The following DSCAM variants were observed in gnomAD, a reference collection of about 807,000 sequenced individuals.
DSCAM encodes the protein DS cell adhesion molecule, also known as cell adhesion molecule DSCAM.
DSCAM carries 47 observed loss-of-function variants against 217.7 expected under a neutral mutation model. The ratio of observed to expected loss-of-function variants is 0.22; its 90% CI spans 0.17 to 0.28. The LOEUF (loss-of-function observed/expected upper bound fraction) is 0.28. Ranked by LOEUF, DSCAM falls within the 10% of genes least tolerant of loss-of-function variation. DSCAM has a pLI of 1.00. For missense variants in DSCAM, 2,080 were observed against 2,618.3 expected (o/e 0.79, Z 4.49); for synonymous variants, 1,056 against 1,015.3 (o/e 1.04, Z -0.76).
At chr21:40,748,506 T>A (rs879810536) in intron 1 of DSCAM, among the ~76,000 whole-genome samples, 1 of 151,872 alleles carries the variant, frequency 6.6e-6, no homozygotes, top group Non-Finnish European at 1.5e-5. Flanking sequence ...ATAAATAAAA[T>A]GCCTATAAAT....
chr21:40,697,551 T>C (rs774619410), intron 2 of DSCAM, among the ~76,000 whole-genome samples: 24 of 152,304 alleles, frequency 1.6e-4, no homozygotes, highest in Admixed American at 4.6e-4. Context: ...CTTTTGCATA[T>C]AGATACCCAG....
At chr21:40,407,636 C>A (rs1247001085) in intron 3 of DSCAM, among the ~76,000 whole-genome samples, 1 of 152,160 alleles carries the variant, frequency 6.6e-6, no homozygotes, top group Non-Finnish European at 1.5e-5. Flanking sequence ...CATATAAAGA[C>A]AAGGGTCATG....
chr21:40,070,070 T>C (rs536787312), intron 27 of DSCAM, among the ~76,000 whole-genome samples: 1 of 152,206 alleles, frequency 6.6e-6, no homozygotes, highest in Non-Finnish European at 1.5e-5. Flanking sequence ...CCCATGCTCT[T>C]TTGCTTCCCG....
intron 3 of DSCAM, among the ~76,000 whole-genome samples, chr21:40,566,474 G>A (rs992484509): frequency 3.3e-5 from 5 of 152,146 alleles, no homozygotes; most frequent in South Asian, 4.1e-4. Flanking sequence ...GCAAGCTTGC[G>A]TTTATCACAA....
chr21:40,272,861 T>A (rs1441511804), intron 11 of DSCAM, among the ~76,000 whole-genome samples: 1 of 152,180 alleles, frequency 6.6e-6, no homozygotes, highest in South Asian at 2.1e-4. Context: ...CTCTCCTTTA[T>A]ATCTATTTTT....
At chr21:40,354,819 G>C (rs535749608) in intron 4 of DSCAM, among the ~76,000 whole-genome samples, 1 of 144,382 alleles carries the variant, frequency 6.9e-6, no homozygotes, top group African/African-American at 2.7e-5. Context: ...ACTGCAGTCC[G>C]GCCTGGGTGA....
intron 9 of DSCAM, among the ~76,000 whole-genome samples, chr21:40,298,941 A>G (rs1009281338): frequency 6.6e-6 from 1 of 152,116 alleles, no homozygotes; most frequent in African/African-American, 2.4e-5. Context: ...CGGTAAGTAT[A>G]AGGTAGTTAC....
intron 3 of DSCAM, among the ~76,000 whole-genome samples, chr21:40,675,847 C>T (rs73905051): frequency 2.1e-4 from 32 of 152,168 alleles, no homozygotes; most frequent in Non-Finnish European, 4.0e-4. Flanking sequence ...TTTAACTAAC[C>T]CTTCAAAAGA....
intron 3 of DSCAM, among the ~76,000 whole-genome samples, chr21:40,596,355 T>G (rs2077021355): frequency 6.6e-6 from 1 of 152,238 alleles, no homozygotes; most frequent in Non-Finnish European, 1.5e-5. Flanking sequence ...TTAAAGCATA[T>G]TAGAGCCCAT....
intron 18 of DSCAM, 109 bp from the exon 19 acceptor site, chr21:40,134,118 C>A (rs1366709267): frequency 1.0e-5 from 14 of 1,367,956 alleles, no homozygotes; most frequent in Non-Finnish European, 1.4e-5. Flanking sequence ...ACCCGTCCAG[C>A]CATCATCTGG....
At chr21:40,524,871 G>A (rs1248340106) in intron 3 of DSCAM, among the ~76,000 whole-genome samples, 5 of 151,844 alleles carry the variant, frequency 3.3e-5, no homozygotes, top group Non-Finnish European at 5.9e-5. Flanking sequence ...TTAGCCAGGC[G>A]TGGTGGCATG....
At chr21:40,553,684 C>G (rs940200185) in intron 3 of DSCAM, among the ~76,000 whole-genome samples, 1 of 152,192 alleles carries the variant, frequency 6.6e-6, no homozygotes, top group Non-Finnish European at 1.5e-5. Context: ...GATAACACAT[C>G]CGTTTGCACC....
intron 1 of DSCAM, among the ~76,000 whole-genome samples, chr21:40,712,809 C>CAGAGAGAGAGAGAGAGAG: frequency 6.7e-6 from 1 of 149,046 alleles, no homozygotes; most frequent in East Asian, 2.0e-4. Context: ...GAAGTTGAGA[C>CAGAGAGAGAGAGAGAGAG]AGAGAGAGAG....
intron 3 of DSCAM, among the ~76,000 whole-genome samples, chr21:40,537,259 T>A (rs1478773798): frequency 1.3e-5 from 2 of 152,172 alleles, no homozygotes; most frequent in Admixed American, 1.3e-4. Flanking sequence ...GTATAATTTA[T>A]TCAATATGTG....
chr21:40,574,389 T>A (rs1461542674), intron 3 of DSCAM, among the ~76,000 whole-genome samples: 1 of 152,118 alleles, frequency 6.6e-6, no homozygotes, highest in Non-Finnish European at 1.5e-5. Flanking sequence ...ACTATCTCAA[T>A]ACATGTAGAA....
intron 3 of DSCAM, among the ~76,000 whole-genome samples, chr21:40,568,833 C>T (rs557835615): frequency 7.9e-5 from 12 of 152,278 alleles, no homozygotes; most frequent in Admixed American, 2.0e-4. Flanking sequence ...GCAGGCTAGA[C>T]AATGAGCCAA....
At chr21:40,091,753 T>C (rs1205497702) in intron 21 of DSCAM, among the ~76,000 whole-genome samples, 2 of 151,996 alleles carry the variant, frequency 1.3e-5, no homozygotes, top group South Asian at 2.1e-4. Context: ...ATGAGGAGCA[T>C]AGGGCATGTA....
chr21:40,674,832 C>A (rs1367814396), intron 3 of DSCAM, among the ~76,000 whole-genome samples: 3 of 151,812 alleles, frequency 2.0e-5, no homozygotes, highest in African/African-American at 4.8e-5. Context: ...GGGGTTTCAC[C>A]GTGTTAGCCA....
chr21:40,150,515 G>A (rs998878929), intron 16 of DSCAM, among the ~76,000 whole-genome samples: 1 of 152,176 alleles, frequency 6.6e-6, no homozygotes, highest in African/African-American at 2.4e-5. Context: ...ATCCATAAAT[G>A]TAGGGATTTT....
Sources: gnomAD v4.1 joint callset for allele counts (sites outside exome capture counted in the v4.1 genomes callset) on GRCh38, gnomAD v4.1.1 for gene constraint, MANE v1.5 for transcripts, NCBI Gene and HGNC (gene_info 2026-07-23, HGNC 2026-07-21) for gene names.